Variants in CD109 observed in about 807,000 individuals in gnomAD.
The protein encoded by CD109 is CD109 molecule, also known as CD109 antigen.
A neutral mutation model predicts 165.8 loss-of-function variants in CD109; 149 were observed. The ratio of observed to expected loss-of-function variants is 0.90; its 90% confidence interval spans 0.79 to 1.03. The LOEUF is 1.03. Among genes scored for constraint, CD109 ranks in the 50% least tolerant of loss-of-function variants. The probability of loss-of-function intolerance (pLI) is 0.00; values close to 1 mark genes in which losing one functional copy is unlikely to be tolerated. For synonymous variants in CD109, 585 were observed against 592.1 expected (o/e 0.99, Z 0.18); for missense variants, 1,712 against 1,677.8 (o/e 1.02, Z -0.36).
At position 73,791,132 on chromosome 6, in the gene CD109, CATACATATAT is replaced by C. The variant is rs1183651206; in HGVS notation, c.2702-1490_2702-1481del. Among the ~76,000 whole-genome samples, 95 of 46,802 alleles carry C rather than the reference CATACATATAT, an allele frequency of 2.0e-3. 1 individual carries two copies. The highest frequency in any genetic ancestry group is 2.1e-3 in the Non-Finnish European group (60 of 29,072). The allele number at this position is 46,802 out of a possible 152,430, so 30.7% of individuals were successfully genotyped here. On this transcript the variant is annotated intron_variant, in intron 22 of 32. Transcript: ENST00000287097. ...TTATTTGGAGGCATATATATACATACATACATATATATATATATATATATATATATATATA... is the reference window on the plus strand; with the variant it reads ...TTATTTGGAGGCATATATATACATACATATATATATATATATATATATATA...
chr6:73,709,692 A>C (rs983356752), intron 2 of CD109, among the ~76,000 whole-genome samples: 2 of 152,186 alleles, frequency 1.3e-5, no homozygotes, highest in African/African-American at 4.8e-5. Flanking sequence ...AAAATCTTCA[A>C]TAAAATACCG....
intron 3 of CD109, among the ~76,000 whole-genome samples, chr6:73,724,470 G>C (rs1582063192): frequency 6.6e-6 from 1 of 152,224 alleles, no homozygotes; most frequent in African/African-American, 2.4e-5. Flanking sequence ...GTACAGTATA[G>C]TAAACCACAG....
intron 14 of CD109, among the ~76,000 whole-genome samples, chr6:73,770,095 A>G (rs1057248143): frequency 2.6e-5 from 4 of 152,130 alleles, no homozygotes; most frequent in Admixed American, 1.3e-4. Context: ...ATTAGTACTT[A>G]CTGAAGTTAG....
At chr6:73,793,480 C>A (rs943923114) in intron 23 of CD109, among the ~76,000 whole-genome samples, 1 of 152,144 alleles carries the variant, frequency 6.6e-6, no homozygotes, top group Non-Finnish European at 1.5e-5. Flanking sequence ...CATCTCATAC[C>A]TCATTGGAGG....
chr6:73,762,981 T>G (rs1773691788), intron 9 of CD109, 99 bp downstream of exon 9: 1 of 1,035,714 alleles, frequency 9.7e-7, no homozygotes, highest in Non-Finnish European at 1.4e-6. Flanking sequence ...CATCATTGAC[T>G]TTCTAAAGAT....
At chr6:73,812,717 T>C (rs2150302893) in intron 29 of CD109, among the ~76,000 whole-genome samples, 1 of 152,134 alleles carries the variant, frequency 6.6e-6, no homozygotes, top group Admixed American at 6.6e-5. Flanking sequence ...AATCCTCTGG[T>C]ACAGAAAGAA....
chr6:73,684,920 A>AT, the CD109 span, among the ~76,000 whole-genome samples: 18 of 137,468 alleles, frequency 1.3e-4, no homozygotes, highest in South Asian at 2.3e-4. Context: ...TGCTTTGCCC[A>AT]TTTTTTTTTC....
At chr6:73,709,022 A>G (rs1771418555) in intron 2 of CD109, among the ~76,000 whole-genome samples, 3 of 152,078 alleles carry the variant, frequency 2.0e-5, no homozygotes, top group Non-Finnish European at 4.4e-5. Context: ...CCATTTGTCA[A>G]TTTTGGCTTT....
chr6:73,690,177 A>C, the CD109 span, among the ~76,000 whole-genome samples: 1 of 152,034 alleles, frequency 6.6e-6, no homozygotes, highest in Non-Finnish European at 1.5e-5. Context: ...TTCCCTTAAG[A>C]GCTTACTCCT....
At chr6:73,686,238 C>A in the CD109 span, among the ~76,000 whole-genome samples, 1 of 152,192 alleles carries the variant, frequency 6.6e-6, no homozygotes, top group Non-Finnish European at 1.5e-5. Context: ...GTGTGGATGG[C>A]TGTTCAAATT....
chr6:73,787,444 T>G lies in CD109; in HGVS notation c.2548T>G (p.Leu850Val), dbSNP rs1774739896. ...TASDAVTQMI[L>V]VKAEGIEKSY... The stretch of plus-strand genomic sequence containing the variant: ...TTCTGATGCTGTCACCCAGATGATT[T>G]TAGTAAAGGTAAATATTTGATGTCT... The change falls in exon 21 of 33, where the codon TTA becomes GTA. Residue 850 changes from leucine to valine, a missense_variant. Coordinates refer to ENST00000287097, the MANE Select transcript of CD109 (RefSeq NM_133493.5). The G allele has an allele frequency of 6.2e-7, 1 of 1,605,996 alleles. No individual in the cohort carries two copies. Among genetic ancestry groups the G allele is most frequent in the Non-Finnish European group, 8.5e-7 (1 of 1,173,852 alleles).
rs1431460509 is a variant in CD109, at chr6:73,766,110, A to G, written c.1288A>G (p.Ile430Val). The G allele has an allele frequency of 1.2e-6, 2 of 1,614,008 alleles. No homozygotes were observed. The highest frequency in any genetic ancestry group is 1.7e-5 in the Admixed American group (1 of 59,996). ...YTVPQSGTFK[I>V]EFPILEDSSE... ...TGTCCCCCAAAGTGGAACTTTTAAG[A>G]TTGAATTCCCAATCCTGGAGGATTC... The change falls in exon 11 of 33, where the codon ATT (isoleucine) becomes GTT (valine). Residue 430 changes from isoleucine to valine, a missense_variant. Coordinates refer to ENST00000287097, the MANE Select transcript of CD109 (RefSeq NM_133493.5).
intron 4 of CD109, among the ~76,000 whole-genome samples, chr6:73,733,201 C>A (rs6932012): frequency 0.43 from 65,590 of 151,982 alleles, 15,513 homozygotes; most frequent in African/African-American, 0.63. Flanking sequence ...CTTTTCAGAA[C>A]AAATTGGGAC....
At chr6:73,725,098 G>C (rs1380904917) in intron 3 of CD109, among the ~76,000 whole-genome samples, 2 of 152,022 alleles carry the variant, frequency 1.3e-5, no homozygotes, top group Non-Finnish European at 2.9e-5. Flanking sequence ...ATAGAAAGTG[G>C]AAGAAAAAAG....
chr6:73,808,355 T>A, intron 26 of CD109, 107 bp downstream of exon 26: 3 of 1,122,986 alleles, frequency 2.7e-6, no homozygotes, highest in Non-Finnish European at 3.8e-6. Flanking sequence ...CATCTTTTGG[T>A]GAAAAGTAAA....
intron 2 of CD109, among the ~76,000 whole-genome samples, chr6:73,697,859 G>A (rs1309087803): frequency 1.3e-5 from 2 of 152,140 alleles, no homozygotes; most frequent in African/African-American, 4.8e-5. Context: ...AGGGGAAGAG[G>A]ATGGGAAGAG....
chr6:73,692,056 C>T (rs1162741444), upstream of CD109, among the ~76,000 whole-genome samples: 15 of 152,066 alleles, frequency 9.9e-5, no homozygotes. Flanking sequence ...GGGGAGGTGC[C>T]ACATACTTTT....
chr6:73,785,313 G>A, intron 19 of CD109, 51 bp from the exon 20 acceptor site: 4 of 964,928 alleles, frequency 4.1e-6, no homozygotes, highest in Admixed American at 2.2e-5. Context: ...TGCATAAAAT[G>A]TGAAGAATTT....
chr6:73,816,292 A>G (rs1355990857), intron 30 of CD109, among the ~76,000 whole-genome samples: 1 of 152,162 alleles, frequency 6.6e-6, no homozygotes, highest in African/African-American at 2.4e-5. Flanking sequence ...CGAATCTTCC[A>G]ATTGGTCTCT....
Sources: allele counts gnomAD v4.1 joint callset (sites outside exome capture counted in the v4.1 genomes callset), GRCh38; gene constraint gnomAD v4.1.1; transcripts MANE v1.5; gene names NCBI Gene and HGNC (gene_info 2026-07-23, HGNC 2026-07-21).